MACROH2A2: variants seen among roughly 807,000 people sequenced by gnomAD.
The protein encoded by MACROH2A2 is macroH2A.2 histone.
A neutral mutation model predicts 37.6 loss-of-function variants in MACROH2A2; 6 were observed. That is an observed-to-expected ratio of 0.16 (90% CI 0.09 to 0.32). The LOEUF (loss-of-function observed/expected upper bound fraction) is 0.32, where lower values mean the gene tolerates loss of function less well. Among genes scored for constraint, MACROH2A2 ranks in the 10% least tolerant of loss-of-function variants. The pLI is 1.00. For synonymous variants in MACROH2A2, 192 were observed against 202.7 expected (o/e 0.95, Z 0.45); for missense variants, 290 against 485.9 (o/e 0.60, Z 3.79).
intron 2 of MACROH2A2, among the ~76,000 whole-genome samples, chr10:70,081,219 G>A (rs989144920): frequency 5.9e-5 from 9 of 152,102 alleles, no homozygotes; most frequent in African/African-American, 1.7e-4. Context: ...ATGTTACTGT[G>A]AGGATTACAT....
intron 2 of MACROH2A2, among the ~76,000 whole-genome samples, chr10:70,078,700 C>G (rs900566181): frequency 6.6e-5 from 10 of 152,188 alleles, no homozygotes; most frequent in African/African-American, 2.4e-4. Flanking sequence ...TCATTCAGGA[C>G]AAAGTATAAA....
chr10:70,110,066 T>C (rs2072360968), intron 8 of MACROH2A2, among the ~76,000 whole-genome samples: 1 of 152,168 alleles, frequency 6.6e-6, no homozygotes, highest in Non-Finnish European at 1.5e-5. Flanking sequence ...GCAAGCAGCA[T>C]TGAGTCTCAG....
chr10:70,067,042 C>A (rs887161481), intron 1 of MACROH2A2, among the ~76,000 whole-genome samples: 4 of 152,160 alleles, frequency 2.6e-5, no homozygotes, highest in African/African-American at 4.8e-5. Context: ...CCTTCAGGCA[C>A]GTGTTAACAG....
In MACROH2A2 at chr10:70,109,009, G is replaced by A. The variant is rs186194412; in HGVS notation, c.779-24G>A. The A allele has an allele frequency of 1.9e-5, 30 of 1,609,234 alleles. No homozygotes were observed. In the East Asian group the frequency reaches 2.9e-4, roughly 16 times the overall value. The stretch of plus-strand genomic sequence containing the variant: ...TAGGAAACCTTAGGAAATAACCCGC[G>A]GCATTTTCTCTCCTATGTCCCAGCC... On this transcript the variant is annotated intron_variant, in intron 7 of 8. Transcript: ENST00000373255.
At chr10:70,055,080 C>A (rs1022137341) in intron 1 of MACROH2A2, among the ~76,000 whole-genome samples, 1 of 152,224 alleles carries the variant, frequency 6.6e-6, no homozygotes, top group Non-Finnish European at 1.5e-5. Context: ...TTTTAAAGCG[C>A]CTCTGGTCTG....
chr10:70,060,647 A>C (rs1234267832), intron 1 of MACROH2A2, among the ~76,000 whole-genome samples: 3 of 152,042 alleles, frequency 2.0e-5, no homozygotes, highest in Admixed American at 6.6e-5. Flanking sequence ...GCACACCTCT[A>C]CTCCCATTTG....
At chr10:70,090,876 G>A (rs4746957) in intron 3 of MACROH2A2, among the ~76,000 whole-genome samples, 10,436 of 152,298 alleles carry the variant, frequency 0.069, 509 homozygotes, top group East Asian at 0.24. Context: ...TGTCACTGAC[G>A]GGTAACTACC....
rs931663506 is a variant in MACROH2A2, at chr10:70,109,564, C to T, written c.953+357C>T. On this transcript the variant is annotated intron_variant, in intron 8 of 8. Coordinates refer to ENST00000373255, the MANE Select transcript of MACROH2A2 (RefSeq NM_018649.3). ...CATATTCCCACCAGCTGTCCATGTC[C>T]AGGACACATGATCAGAAAACGCCAG... Among the ~76,000 whole-genome samples the T allele has an allele frequency of 2.0e-5, 3 of 152,194 alleles. No homozygotes were observed. The East Asian group carries it at 5.8e-4, about 29-fold the overall frequency.
Position 70,107,157 on chromosome 10 carries a change from G to A in MACROH2A2, c.779-1876G>A, listed in dbSNP as rs763024774. ...TGTGGCCTGGGTCCTGCACTCAGGC[G>A]TTCACGTGTGATGACACTGAGCCCC... On this transcript the variant is annotated intron_variant, in intron 7 of 8. Coordinates refer to ENST00000373255, the MANE Select transcript of MACROH2A2 (RefSeq NM_018649.3). The surrounding 1 kb of genome is among the most constrained non-coding windows in gnomAD (Gnocchi z 4.4). Among the ~76,000 whole-genome samples the A allele has an allele frequency of 1.3e-5, 2 of 152,170 alleles. No individual in the cohort carries two copies. The highest frequency in any genetic ancestry group is 2.4e-5 in the African/African-American group (1 of 41,446).
At chr10:70,071,906 G>T (rs1161004424) in intron 1 of MACROH2A2, among the ~76,000 whole-genome samples, 1 of 152,166 alleles carries the variant, frequency 6.6e-6, no homozygotes, top group Admixed American at 6.5e-5. Flanking sequence ...TGAATGTGAA[G>T]GCCCGGGACA....
intron 2 of MACROH2A2, among the ~76,000 whole-genome samples, chr10:70,086,641 G>A (rs1391032874): frequency 2.6e-5 from 4 of 152,146 alleles, no homozygotes; most frequent in South Asian, 2.1e-4. Context: ...TGGGGAGGGC[G>A]CTTAATTTCT....
chr10:70,083,118 G>A (rs565793545), intron 2 of MACROH2A2, among the ~76,000 whole-genome samples: 1 of 152,200 alleles, frequency 6.6e-6, no homozygotes, highest in South Asian at 2.1e-4. Context: ...CAGAGACAAG[G>A]AGCCTGGTGG....
chr10:70,057,908 G>T (rs184651924), intron 1 of MACROH2A2, among the ~76,000 whole-genome samples: 1 of 152,044 alleles, frequency 6.6e-6, no homozygotes, highest in African/African-American at 2.4e-5. Flanking sequence ...ACGAAATGGT[G>T]GGGGGATGGT....
At chr10:70,058,831 G>A (rs534566461) in intron 1 of MACROH2A2, among the ~76,000 whole-genome samples, 38 of 152,096 alleles carry the variant, frequency 2.5e-4, no homozygotes, top group Non-Finnish European at 4.9e-4. Flanking sequence ...ATCCCGAGTG[G>A]TAAACTTCCA....
chr10:70,103,847 A>C (rs139588232), intron 7 of MACROH2A2, among the ~76,000 whole-genome samples: 30 of 152,196 alleles, frequency 2.0e-4, no homozygotes, highest in Admixed American at 1.9e-3. Context: ...GAAAAAAAAA[A>C]CTGTCAACCA....
rs1025713965 is a variant in MACROH2A2, at chr10:70,054,050, T to TG, written c.-60+1057dup. Among the ~76,000 whole-genome samples the TG allele has an allele frequency of 9.9e-5, 15 of 151,810 alleles. No individual in the cohort carries two copies. The East Asian group carries it at 1.2e-3, about 12-fold the overall frequency. On this transcript the variant is annotated intron_variant, in intron 1 of 8. Transcript: ENST00000373255. ...GTGGGTGTCCTCCCCCGCCTTTCCT[T>TG]GGGGGGGCGCCCTCAGTTCTTGCCC...
intron 1 of MACROH2A2, among the ~76,000 whole-genome samples, chr10:70,068,805 C>T (rs2072092793): frequency 6.6e-6 from 1 of 152,220 alleles, no homozygotes; most frequent in African/African-American, 2.4e-5. Flanking sequence ...CCAGTGTACC[C>T]TGGTGCACAG....
chr10:70,092,682 G>T (rs1031655074), intron 4 of MACROH2A2, among the ~76,000 whole-genome samples: 1 of 152,120 alleles, frequency 6.6e-6, no homozygotes, highest in Non-Finnish European at 1.5e-5. Context: ...AGCTGAAATG[G>T]GTCTTCTCTA....
intron 2 of MACROH2A2, among the ~76,000 whole-genome samples, chr10:70,078,223 A>G (rs2072152589): frequency 6.6e-6 from 1 of 152,226 alleles, no homozygotes; most frequent in Admixed American, 6.5e-5. Context: ...TCTCCACGTC[A>G]GCACACACAG....
Sources: gnomAD v4.1 joint callset for allele counts (sites outside exome capture counted in the v4.1 genomes callset) on GRCh38, gnomAD v4.1.1 for gene constraint, Gnocchi (gnomAD v3.1) non-coding constraint, MANE v1.5 for transcripts, NCBI Gene and HGNC (gene_info 2026-07-23, HGNC 2026-07-21) for gene names.